COL18A1: variants seen among roughly 807,000 people sequenced by gnomAD.
COL18A1 encodes collagen alpha-1(XVIII) chain.
A neutral mutation model predicts 168.0 loss-of-function variants in COL18A1; 133 were observed. The ratio of observed to expected loss-of-function variants is 0.79; its 90% CI spans 0.69 to 0.91. The LOEUF is 0.91. Among genes scored for constraint, COL18A1 ranks in the 40% least tolerant of loss-of-function variants. COL18A1 has a pLI of 0.00. For missense variants in COL18A1, 2,126 were observed against 1,925.4 expected (o/e 1.10, Z -1.95); for synonymous variants, 949 against 809.0 (o/e 1.17, Z -2.94).
At chr21:45,476,751 T>TGC (rs764158923) in intron 6 of COL18A1, among the ~76,000 whole-genome samples, 3 of 151,328 alleles carry the variant, frequency 2.0e-5, no homozygotes, top group Non-Finnish European at 4.4e-5. Context: ...CATGTGTGTG[T>TGC]GCAGTGTGTG....
chr21:45,407,057 G>A (rs953307522), intron 2 of COL18A1, among the ~76,000 whole-genome samples: 2 of 150,232 alleles, frequency 1.3e-5, no homozygotes, highest in Admixed American at 1.4e-4. Flanking sequence ...AGCAGGCCCA[G>A]AGAGGGGTCT....
At chr21:45,492,198 G>A (rs2036376312) in intron 22 of COL18A1, among the ~76,000 whole-genome samples, 1 of 152,236 alleles carries the variant, frequency 6.6e-6, no homozygotes, top group African/African-American at 2.4e-5. Context: ...AGGGACCTCG[G>A]CGTGACGGTC....
At chr21:45,464,839 G>A (rs953655145) in intron 2 of COL18A1, among the ~76,000 whole-genome samples, 1 of 152,214 alleles carries the variant, frequency 6.6e-6, no homozygotes, top group Non-Finnish European at 1.5e-5. Flanking sequence ...CAGGTCCACA[G>A]CCTGAGTCCC....
intron 2 of COL18A1, among the ~76,000 whole-genome samples, chr21:45,427,637 G>A (rs1350624144): frequency 6.6e-6 from 1 of 152,236 alleles, no homozygotes. Context: ...GCAGGCCGGC[G>A]GGTGTTGAGG....
rs1237185439 is a variant in COL18A1 at position 45,437,770 on chromosome 21, A to G, written c.107-30472A>G. 4.4e-5 allele frequency among the ~76,000 whole-genome samples: 3 copies of G among 67,798 alleles called. 1 individual carries two copies. Among genetic ancestry groups the G allele is most frequent in the Non-Finnish European group, 7.5e-5 (3 of 39,958 alleles). 44.5% of individuals were successfully genotyped at this position (67,798 alleles called of 152,430 possible). A position where few individuals can be genotyped will look rare whatever the true frequency, so the allele number is the denominator to read the frequency against. Reference sequence around the variant, plus strand: ...CACTCAGACACAGGCACTCTCCTGCACACACACACACTCACTCACACACAG... The same window carrying G: ...CACTCAGACACAGGCACTCTCCTGCGCACACACACACTCACTCACACACAG... On this transcript the variant is annotated intron_variant, in intron 2 of 41. Transcript: ENST00000651438.
intron 2 of COL18A1, chr21:45,422,405 G>T (rs749190851): frequency 1.2e-5 from 6 of 517,482 alleles, no homozygotes; most frequent in Non-Finnish European, 2.0e-5. Flanking sequence ...GGCACTGAGG[G>T]TCTCACCTCT....
Position 45,488,437 on chromosome 21 carries a change from G to T in COL18A1, c.1916G>T (p.Gly639Val), listed in dbSNP as rs1384358638. ...TGACAGGGACCTCCCGGCCTGCCGGGACTTAAGGTCAGTGACGGATATGTC... is the reference window on the plus strand; with the variant it reads ...TGACAGGGACCTCCCGGCCTGCCGGTACTTAAGGTCAGTGACGGATATGTC... Reference protein sequence around the residue: ...DGPQGPPGLPGLKGDPGVPGL... With the variant: ...DGPQGPPGLPVLKGDPGVPGL... Residue 639 changes from glycine (G) to valine (V), a missense_variant, in exon 18 of 42, where the codon GGA (glycine) becomes GTA (valine). Gly to Val is a moderately radical substitution (Grantham distance 109, BLOSUM62 -3). Coordinates refer to ENST00000651438, the MANE Select transcript of COL18A1 (RefSeq NM_001379500.1). The T allele has an allele frequency of 1.9e-6, 3 of 1,613,926 alleles. No homozygotes were observed. Among genetic ancestry groups the T allele is most frequent in the East Asian group, 4.5e-5 (2 of 44,866 alleles).
At position 45,438,428 on chromosome 21, in the gene COL18A1, C is replaced by T. The variant is rs140550257; in HGVS notation, c.107-29814C>T. On this transcript the variant is annotated intron_variant, in intron 2 of 41. Transcript: ENST00000651438. Reference sequence around the variant, plus strand: ...CACTCCAGGGCTGGGCAGGGGACCCCGGACCTGGCCTCTGGAGCTCATCCC... The same window carrying T: ...CACTCCAGGGCTGGGCAGGGGACCCTGGACCTGGCCTCTGGAGCTCATCCC... 2.4e-3 allele frequency among the ~76,000 whole-genome samples: 364 copies of T among 152,172 alleles called. 4 individuals carry two copies. The highest frequency in any genetic ancestry group is 8.5e-3 in the African/African-American group (351 of 41,380).
At chr21:45,470,675 C>CG in intron 3 of COL18A1, among the ~76,000 whole-genome samples, 1 of 151,868 alleles carries the variant, frequency 6.6e-6, no homozygotes, top group Non-Finnish European at 1.5e-5. Context: ...TTAGTAGAGA[C>CG]GGGGTTTCAC....
At position 45,405,234 on chromosome 21, in the gene COL18A1, G is replaced by T; in HGVS notation, c.4G>T (p.Ala2Ser). Reference sequence around the variant, plus strand: ...CGCTGACGGTCCTGGGGAGAGCATGGCGCCGAGGTGAGGCCGGGGCTGCGG... The same window carrying T: ...CGCTGACGGTCCTGGGGAGAGCATGTCGCCGAGGTGAGGCCGGGGCTGCGG... M[A>S]PRCPWPWPRR... The change falls in exon 1 of 42, where the codon GCG becomes TCG. Residue 2 changes from alanine (A) to serine (S), a missense_variant. Physicochemically the swap from Ala to Ser is moderately conservative, Grantham distance 99 (BLOSUM62 1). Transcript: ENST00000651438. The T allele has an allele frequency of 7.1e-6, 1 of 140,958 alleles. No individual in the cohort carries two copies. Among genetic ancestry groups the T allele is most frequent in the East Asian group, 1.4e-4 (1 of 7,268 alleles). 8.7% of individuals were successfully genotyped at this position (140,958 alleles called of 1,614,324 possible).
At chr21:45,476,717 G>C (rs1458398591) in intron 6 of COL18A1, among the ~76,000 whole-genome samples, 1 of 151,626 alleles carries the variant, frequency 6.6e-6, no homozygotes, top group Admixed American at 6.6e-5. Flanking sequence ...TGTGTATGTA[G>C]TGTGTATGGT....
chr21:45,510,387 G>A, intron 40 of COL18A1, 126 bp downstream of exon 40: 1 of 1,114,416 alleles, frequency 9.0e-7, no homozygotes, highest in Non-Finnish European at 1.3e-6. Flanking sequence ...CTGGCGCCTA[G>A]GCTGGCGACT....
chr21:45,480,521 G>C lies in COL18A1; in HGVS notation c.1452+1G>C, dbSNP rs1167407832. The C allele has an allele frequency of 5.0e-6, 8 of 1,614,126 alleles. No individual in the cohort carries two copies. The highest frequency in any genetic ancestry group is 6.8e-6 in the Non-Finnish European group (8 of 1,180,024). ...CGGGGGCGATCTGGAGGCCCTGCGG[G>C]TGAGTGGCCCTTAAACTGCAGCGCT... On this transcript the variant is annotated splice_donor_variant, in intron 12 of 41. Transcript: ENST00000651438. LOFTEE classifies it high-confidence loss of function.
intron 2 of COL18A1, among the ~76,000 whole-genome samples, chr21:45,427,920 G>C (rs1445157421): frequency 6.6e-6 from 1 of 152,224 alleles, no homozygotes; most frequent in Admixed American, 6.5e-5. Flanking sequence ...GGATGAGTCT[G>C]ACTGGGTCAG....
chr21:45,464,236 G>A (rs77182418), intron 2 of COL18A1, among the ~76,000 whole-genome samples: 4,446 of 152,080 alleles, frequency 0.029, 232 homozygotes, highest in African/African-American at 0.1. Flanking sequence ...AAAGCCTCCC[G>A]TTTTCATCTC....
Position 45,437,210 on chromosome 21 carries a change from GCACA to G in COL18A1, c.107-31021_107-31018del, listed in dbSNP as rs368081758. On this transcript the variant is annotated intron_variant, in intron 2 of 41. Transcript: ENST00000651438. ...CACACAGACACACAGGCACTCTCCT[GCACA>G]CACACACACAGACACACAGGCACTC... Among the ~76,000 whole-genome samples, 149 of 83,656 alleles carry G rather than the reference GCACA, an allele frequency of 1.8e-3. 13 individuals carry two copies. The South Asian group carries it at 0.048, about 27-fold the overall frequency. The allele number at this position is 83,656 out of a possible 152,430, so 54.9% of individuals were successfully genotyped here.
chr21:45,495,317 A>G, intron 28 of COL18A1, 41 bp from the exon 29 acceptor site: 1 of 1,534,430 alleles, frequency 6.5e-7, no homozygotes, highest in Non-Finnish European at 8.9e-7. Context: ...TCTGGTAATC[A>G]TCAGTGCCCA....
Position 45,425,293 on chromosome 21 carries a change from G to T in COL18A1, c.106+19820G>T, listed in dbSNP as rs2033761332. ...GAGCCCCGGCCGTGTGTGTGTGTGT[G>T]CTGTGAGTGCAGTGTGACCGCGTCC... On this transcript the variant is annotated intron_variant, in intron 2 of 41. Transcript: ENST00000651438. The surrounding 1 kb of genome is among the most constrained non-coding windows in gnomAD (Gnocchi z 4.1). 6.6e-6 allele frequency among the ~76,000 whole-genome samples: 1 copy of T among 152,300 alleles called. No homozygotes were observed. The highest frequency in any genetic ancestry group is 2.4e-5 in the African/African-American group (1 of 41,570).
intron 2 of COL18A1, among the ~76,000 whole-genome samples, chr21:45,430,775 C>T (rs1207248403): frequency 6.6e-6 from 1 of 152,214 alleles, no homozygotes; most frequent in African/African-American, 2.4e-5. Flanking sequence ...CGGCCCTCAG[C>T]CCGCACTCGT....
Sources: gnomAD v4.1 joint callset for allele counts (sites outside exome capture counted in the v4.1 genomes callset) on GRCh38, gnomAD v4.1.1 for gene constraint, Gnocchi (gnomAD v3.1) non-coding constraint, MANE v1.5 for transcripts, NCBI Gene and HGNC (gene_info 2026-07-23, HGNC 2026-07-21) for gene names.